Variants in DOCK2 observed in about 807,000 individuals in gnomAD.
DOCK2 encodes the protein dedicator of cytokinesis protein 2.
Under a neutral mutation model 248.9 loss-of-function variants are expected in DOCK2, and 87 were observed. The observed-to-expected ratio is 0.35, with a 90% CI of 0.29 to 0.42. DOCK2 has a LOEUF of 0.42. Among genes scored for constraint, DOCK2 ranks in the 10% least tolerant of loss-of-function variants. DOCK2 has a pLI of 1.00. For synonymous variants in DOCK2, 805 were observed against 821.6 expected (o/e 0.98, Z 0.35); for missense variants, 1,747 against 2,300.2 (o/e 0.76, Z 4.92).
chr5:170,042,150 A>G lies in DOCK2; in HGVS notation c.3876+18A>G. ...AAGGAAAGGTAATCTGTCCCTGCCC[A>G]CCCCCCGTGGGGACCCTGGCCACTG... On this transcript the variant is annotated intron_variant, in intron 38 of 51. Transcript: ENST00000520908. 1.3e-6 allele frequency: 2 copies of G among 1,594,856 alleles called. No homozygotes were observed. The highest frequency in any genetic ancestry group is 8.5e-7 in the Non-Finnish European group (1 of 1,170,182).
chr5:169,790,309 G>A (rs915322374), intron 25 of DOCK2, among the ~76,000 whole-genome samples: 37 of 152,276 alleles, frequency 2.4e-4, no homozygotes, highest in African/African-American at 8.2e-4. Flanking sequence ...TGTGATGGGG[G>A]CAATATAGGA....
chr5:169,674,395 G>A lies in DOCK2; in HGVS notation c.420G>A (p.Glu140=). ...TCTCAGGAACCTTACCCAAGGATGA[G>A]CTGAAGGAACTGAAGCAGAAAGTCA... ...QLLSGTLPKD[E]LKELKQKVTS... The change falls in exon 6 of 52, where the codon GAG becomes GAA. Residue 140 remains glutamate, a synonymous_variant. Transcript: ENST00000520908. The A allele has an allele frequency of 1.2e-6, 2 of 1,614,196 alleles. No individual in the cohort carries two copies. The highest frequency in any genetic ancestry group is 1.7e-6 in the Non-Finnish European group (2 of 1,180,012).
chr5:169,959,147 C>G (rs1342497626), intron 27 of DOCK2, among the ~76,000 whole-genome samples: 2 of 152,052 alleles, frequency 1.3e-5, no homozygotes, highest in African/African-American at 2.4e-5. Flanking sequence ...AATCCCAGCA[C>G]TTTGGGAGGC....
intron 27 of DOCK2, among the ~76,000 whole-genome samples, chr5:169,976,519 C>G (rs1480176894): frequency 6.6e-6 from 1 of 152,130 alleles, no homozygotes; most frequent in Non-Finnish European, 1.5e-5. Context: ...AATTTTCTTT[C>G]CTTCCACTTC....
intron 27 of DOCK2, among the ~76,000 whole-genome samples, chr5:169,978,614 CTCT>C (rs1333154140): frequency 6.6e-6 from 1 of 152,088 alleles, no homozygotes; most frequent in East Asian, 1.9e-4. Flanking sequence ...TACTGGGTTT[CTCT>C]TCTTCTCTCT....
Position 169,963,298 on chromosome 5 carries a change from A to T in DOCK2, c.2800-19770A>T, listed in dbSNP as rs1581477455. Among the ~76,000 whole-genome samples the T allele has an allele frequency of 2.0e-5, 3 of 152,246 alleles. No homozygotes were observed. The East Asian group carries it at 5.8e-4, about 29-fold the overall frequency. ...CCCTTATTTTCTCTAAATCAAATTA[A>T]ATCCAACCCACAGCAGCCCTGACCT... On this transcript the variant is annotated intron_variant, in intron 27 of 51. Transcript: ENST00000520908.
chr5:169,883,857 C>T, intron 27 of DOCK2: 6 of 1,531,272 alleles, frequency 3.9e-6, no homozygotes, highest in African/African-American at 1.4e-5. Flanking sequence ...GACTGTTACG[C>T]TTTAGAAGCA....
intron 28 of DOCK2, among the ~76,000 whole-genome samples, chr5:169,983,372 A>G (rs1237452164): frequency 6.6e-6 from 1 of 152,218 alleles, no homozygotes; most frequent in Non-Finnish European, 1.5e-5. Context: ...GATTTGTCAC[A>G]TGCTAGCTGT....
intron 27 of DOCK2, among the ~76,000 whole-genome samples, chr5:169,889,100 G>A (rs1450329250): frequency 6.6e-6 from 1 of 152,024 alleles, no homozygotes; most frequent in African/African-American, 2.4e-5. Context: ...ACACAGAGAG[G>A]GTCTTATATA....
At chr5:169,699,701 G>A (rs1164177977) in intron 12 of DOCK2, among the ~76,000 whole-genome samples, 1 of 152,202 alleles carries the variant, frequency 6.6e-6, no homozygotes, top group African/African-American at 2.4e-5. Context: ...CGGTGTTCCG[G>A]GGGCACTTTA....
chr5:169,751,140 T>A lies in DOCK2; in HGVS notation c.2376+3636T>A, dbSNP rs568498598. 8.5e-5 allele frequency among the ~76,000 whole-genome samples: 13 copies of A among 152,310 alleles called. No individual in the cohort carries two copies. The East Asian group carries it at 2.3e-3, about 27-fold the overall frequency. ...GTTACATAGTTTGGTTTAAATCATT[T>A]TTTAATCATTTATACCTCTTCCTCC... On this transcript the variant is annotated intron_variant, in intron 23 of 51. Transcript: ENST00000520908.
rs963902196 is a variant in DOCK2, at chr5:169,723,431, A to G, written c.2267+4640A>G. ...CCTACCATACAGGGTTGGTGTACAGACTAAGTGAGCCCAATGGATGTAAGG... is the reference window on the plus strand; with the variant it reads ...CCTACCATACAGGGTTGGTGTACAGGCTAAGTGAGCCCAATGGATGTAAGG... On this transcript the variant is annotated intron_variant, in intron 22 of 51. Coordinates refer to ENST00000520908, the MANE Select transcript of DOCK2 (RefSeq NM_004946.3). 2.6e-5 allele frequency among the ~76,000 whole-genome samples: 4 copies of G among 152,190 alleles called. No homozygotes were observed. The South Asian group carries it at 8.3e-4, about 32-fold the overall frequency.
intron 27 of DOCK2, among the ~76,000 whole-genome samples, chr5:169,968,951 C>T (rs1439060523): frequency 6.6e-6 from 1 of 152,142 alleles, no homozygotes; most frequent in African/African-American, 2.4e-5. Flanking sequence ...GAGTTTGAGA[C>T]TACCCTGGAT....
chr5:169,785,618 G>A (rs1164770196), intron 25 of DOCK2, among the ~76,000 whole-genome samples: 1 of 152,100 alleles, frequency 6.6e-6, no homozygotes, highest in Non-Finnish European at 1.5e-5. Flanking sequence ...ATCTTTAATA[G>A]CAATTCTTCC....
Position 169,873,203 on chromosome 5 carries a change from C to T in DOCK2, c.2799+32351C>T, listed in dbSNP as rs143833853. 5.2e-3 allele frequency among the ~76,000 whole-genome samples: 791 copies of T among 152,264 alleles called. 7 individuals are homozygous for T. Among genetic ancestry groups the T allele is most frequent in the African/African-American group, 0.016 (664 of 41,552 alleles). On this transcript the variant is annotated intron_variant, in intron 27 of 51. Transcript: ENST00000520908. The stretch of plus-strand genomic sequence containing the variant: ...TGTAAATCCTACTTCTTTTCCTTTA[C>T]ACTCTAGGGAGAAAAAGAAAGGGGT...
intron 32 of DOCK2, among the ~76,000 whole-genome samples, chr5:170,012,975 G>C (rs761688194): frequency 6.6e-6 from 1 of 152,094 alleles, no homozygotes; most frequent in East Asian, 1.9e-4. Context: ...AGCTTGGTGC[G>C]GAGGTCCAGG....
chr5:169,897,298 C>A (rs1405058588), intron 27 of DOCK2, among the ~76,000 whole-genome samples: 1 of 152,052 alleles, frequency 6.6e-6, no homozygotes, highest in African/African-American at 2.4e-5. Flanking sequence ...AATTCTCGTG[C>A]CTCAGCCTCC....
intron 26 of DOCK2, among the ~76,000 whole-genome samples, chr5:169,810,457 C>T (rs960651708): frequency 2.0e-5 from 3 of 152,118 alleles, no homozygotes; most frequent in South Asian, 2.1e-4. Flanking sequence ...GTCAGGCATT[C>T]GTATCTAAAA....
At chr5:170,017,677 G>T (rs762057263) in intron 32 of DOCK2, among the ~76,000 whole-genome samples, 31 of 152,196 alleles carry the variant, frequency 2.0e-4, no homozygotes, top group Non-Finnish European at 8.8e-5. Context: ...TACTGTTATT[G>T]TTCCAAGTTA....
Sources: gnomAD v4.1 joint callset for allele counts (sites outside exome capture counted in the v4.1 genomes callset) on GRCh38, gnomAD v4.1.1 for gene constraint, MANE v1.5 for transcripts, NCBI Gene and HGNC (gene_info 2026-07-23, HGNC 2026-07-21) for gene names.